Variants in FREM1 observed in about 807,000 individuals in gnomAD.
The protein encoded by FREM1 is FRAS1-related extracellular matrix protein 1.
FREM1 carries 220 observed loss-of-function variants against 210.1 expected under a neutral mutation model. The observed-to-expected ratio is 1.05, with a 90% CI of 0.94 to 1.17. The LOEUF (loss-of-function observed/expected upper bound fraction) is 1.17. Ranked by LOEUF, FREM1 falls within the 50% of genes most tolerant of loss-of-function variation. FREM1 has a pLI of 0.00. For synonymous variants in FREM1, 1,189 were observed against 980.2 expected (o/e 1.21, Z -3.98); for missense variants, 3,454 against 2,675.5 (o/e 1.29, Z -6.42).
chr9:14,754,178 T>C (rs1195533312), intron 29 of FREM1, among the ~76,000 whole-genome samples: 1 of 152,106 alleles, frequency 6.6e-6, no homozygotes, highest in East Asian at 1.9e-4. Flanking sequence ...AGATGACATA[T>C]GGCAAAGACT....
At chr9:14,772,461 A>G (rs1240486696) in intron 25 of FREM1, among the ~76,000 whole-genome samples, 2 of 152,192 alleles carry the variant, frequency 1.3e-5, no homozygotes, top group East Asian at 3.8e-4. Flanking sequence ...AACAGGCAAT[A>G]TGCATAAAAA....
intron 1 of FREM1, among the ~76,000 whole-genome samples, chr9:14,877,580 C>T (rs962672905): frequency 1.3e-5 from 2 of 151,960 alleles, no homozygotes; most frequent in Non-Finnish European, 2.9e-5. Flanking sequence ...ATGGGTGTCA[C>T]TCCTATGATT....
chr9:14,806,780 T>A lies in FREM1; in HGVS notation c.3155A>T (p.Asp1052Val). The A allele has an allele frequency of 1.2e-6, 2 of 1,607,560 alleles. No homozygotes were observed. Among genetic ancestry groups the A allele is most frequent in the Non-Finnish European group, 1.7e-6 (2 of 1,176,902 alleles). Residue 1052 changes from aspartate (D) to valine (V), a missense_variant, in exon 18 of 37, where the codon GAC becomes GTC. Coordinates refer to ENST00000380880, the MANE Select transcript of FREM1 (RefSeq NM_001379081.2). The part of the protein sequence containing the change: ...ALTVNHLSAT[D>V]PDTAADDLEF... ...CAAGTCATCTGCTGCAGTGTCAGGG[T>A]CAGTGGCGGACAAATGGTTAACAGT... is the stretch of plus-strand genomic sequence containing the variant.
At chr9:14,831,162 G>C (rs369495805) in intron 10 of FREM1, among the ~76,000 whole-genome samples, 31 of 152,170 alleles carry the variant, frequency 2.0e-4, no homozygotes, top group African/African-American at 7.5e-4. Flanking sequence ...TTCTGGCCAG[G>C]TGTGATTCAA....
At chr9:14,843,727 C>T (rs961695014) in intron 8 of FREM1, among the ~76,000 whole-genome samples, 5 of 151,656 alleles carry the variant, frequency 3.3e-5, no homozygotes, top group African/African-American at 1.2e-4. Context: ...TGGTCTCAAA[C>T]CAGCAGCCTC....
intron 27 of FREM1, among the ~76,000 whole-genome samples, chr9:14,767,083 T>C (rs1846563748): frequency 6.6e-6 from 1 of 152,154 alleles, no homozygotes; most frequent in South Asian, 2.1e-4. Flanking sequence ...ATCGCTCCCA[T>C]TTTACAGAAG....
rs554656121 is a variant in FREM1 at position 14,740,523 on chromosome 9, A to G, written c.6255-289T>C. 4.0e-3 allele frequency among the ~76,000 whole-genome samples: 610 copies of G among 152,322 alleles called. 8 individuals are homozygous for G. Among genetic ancestry groups the G allele is most frequent in the Non-Finnish European group, 7.1e-3 (486 of 68,028 alleles). ...GTTTCAAACATCTTTTTGGAAAATCAGCAACTGCCTACTTATAACAATTAC... is the reference window on the plus strand; with the variant it reads ...GTTTCAAACATCTTTTTGGAAAATCGGCAACTGCCTACTTATAACAATTAC... On this transcript the variant is annotated intron_variant, in intron 35 of 36. Transcript: ENST00000380880.
At chr9:14,900,730 A>C (rs1838640260) in intron 1 of FREM1, among the ~76,000 whole-genome samples, 1 of 152,200 alleles carries the variant, frequency 6.6e-6, no homozygotes, top group African/African-American at 2.4e-5. Context: ...CTGGAAAGCC[A>C]GTCCCATGTG....
At chr9:14,859,963 A>T (rs1829504959) in intron 3 of FREM1, among the ~76,000 whole-genome samples, 1 of 152,116 alleles carries the variant, frequency 6.6e-6, no homozygotes, top group East Asian at 1.9e-4. Flanking sequence ...TGGCATGTAA[A>T]AAGCATATTC....
In FREM1 at chr9:14,841,665, C is replaced by T. The variant is rs909528809; in HGVS notation, c.1739-76G>A. 27 of 1,157,240 alleles carry T rather than the reference C, an allele frequency of 2.3e-5. No homozygotes were observed. In the African/African-American group the frequency reaches 3.4e-4, roughly 14 times the overall value. The allele number at this position is 1,157,240 out of a possible 1,614,324, so 71.7% of individuals were successfully genotyped here. A position where few individuals can be genotyped will look rare whatever the true frequency, so the allele number is the denominator to read the frequency against. ...CGAGGGACAATGATATTGGACTTAT[C>T]TTCAAAAGTCTTATCTGTCTAGTAC... is the stretch of plus-strand genomic sequence containing the variant. On this transcript the variant is annotated intron_variant, in intron 9 of 36. Transcript: ENST00000380880.
chr9:14,771,437 G>T (rs922836716), intron 25 of FREM1, among the ~76,000 whole-genome samples: 1 of 152,154 alleles, frequency 6.6e-6, no homozygotes, highest in African/African-American at 2.4e-5. Context: ...CCAGGTAGCT[G>T]AACAGGTGGA....
intron 1 of FREM1, among the ~76,000 whole-genome samples, chr9:14,907,544 CAAGAT>C (rs1227547895): frequency 6.6e-6 from 1 of 152,154 alleles, no homozygotes; most frequent in Non-Finnish European, 1.5e-5. Flanking sequence ...CAGATTCAGA[CAAGAT>C]AAGAGGCTGC....
intron 25 of FREM1, among the ~76,000 whole-genome samples, chr9:14,773,645 CA>C (rs968853722): frequency 9.9e-5 from 14 of 141,120 alleles, no homozygotes; most frequent in African/African-American, 2.4e-4. Context: ...ATACTTTTGA[CA>C]AAAAAAAAGA....
At chr9:14,787,200 T>C (rs532420322) in intron 23 of FREM1, among the ~76,000 whole-genome samples, 2 of 152,320 alleles carry the variant, frequency 1.3e-5, no homozygotes, top group South Asian at 4.1e-4. Context: ...TATAGTCTTG[T>C]TTAGAGATAA....
At chr9:14,842,092 T>C (rs565074802) in intron 9 of FREM1, among the ~76,000 whole-genome samples, 8 of 152,332 alleles carry the variant, frequency 5.3e-5, no homozygotes, top group Admixed American at 3.3e-4. Context: ...GGCTCAGCTC[T>C]GGAAATCTGT....
At chr9:14,865,357 T>C (rs1237250904) in intron 2 of FREM1, among the ~76,000 whole-genome samples, 1 of 152,182 alleles carries the variant, frequency 6.6e-6, no homozygotes, top group Non-Finnish European at 1.5e-5. Flanking sequence ...CATATTGCCA[T>C]CAACCTCATC....
At chr9:14,795,956 T>C (rs1852293321) in intron 21 of FREM1, among the ~76,000 whole-genome samples, 1 of 152,202 alleles carries the variant, frequency 6.6e-6, no homozygotes, top group Admixed American at 6.5e-5. Flanking sequence ...TGTAATACTA[T>C]GACAGCCTTC....
intron 22 of FREM1, 70 bp downstream of exon 22, chr9:14,792,673 A>C: frequency 8.6e-7 from 1 of 1,165,198 alleles, no homozygotes; most frequent in Non-Finnish European, 1.2e-6. Flanking sequence ...CCCATCATAG[A>C]AATGTGTATA....
intron 27 of FREM1, among the ~76,000 whole-genome samples, chr9:14,765,563 T>C (rs1334606438): frequency 1.3e-5 from 2 of 152,214 alleles, no homozygotes; most frequent in East Asian, 3.8e-4. Flanking sequence ...AGATCTAGTC[T>C]GAAGACAAAA....
Sources: allele counts gnomAD v4.1 joint callset (sites outside exome capture counted in the v4.1 genomes callset), GRCh38; gene constraint gnomAD v4.1.1; transcripts MANE v1.5; gene names NCBI Gene and HGNC (gene_info 2026-07-23, HGNC 2026-07-21).